Variants in PTPRD observed in about 807,000 individuals in gnomAD.
PTPRD encodes protein tyrosine phosphatase receptor type D, also known as receptor-type tyrosine-protein phosphatase delta.
A neutral mutation model predicts 214.5 loss-of-function variants in PTPRD; 34 were observed. The ratio of observed to expected loss-of-function variants is 0.16; its 90% CI spans 0.12 to 0.21. PTPRD has a LOEUF of 0.21. PTPRD is among the 10% of genes least tolerant of loss of function. The pLI is 1.00. For synonymous variants in PTPRD, 1,128 were observed against 845.7 expected, an observed-to-expected ratio of 1.33 and a Z score of -5.79; for missense variants, 2,545 against 2,398.7, an observed-to-expected ratio of 1.06 and a Z score of -1.27.
chr9:9,703,138 T>A (rs564621990), intron 7 of PTPRD, among the ~76,000 whole-genome samples: 2 of 152,260 alleles, frequency 1.3e-5, no homozygotes, highest in South Asian at 4.1e-4. Context: ...TGACTTCTCA[T>A]GAAATCTGAT....
intron 2 of PTPRD, among the ~76,000 whole-genome samples, chr9:10,510,764 T>C (rs934997798): frequency 1.3e-5 from 2 of 152,162 alleles, no homozygotes; most frequent in African/African-American, 4.8e-5. Flanking sequence ...AAATTATTGT[T>C]AACTATAGTT....
chr9:10,535,435 G>C (rs2057525245), intron 2 of PTPRD, among the ~76,000 whole-genome samples: 1 of 152,044 alleles, frequency 6.6e-6, no homozygotes, highest in Admixed American at 6.6e-5. Flanking sequence ...GTCGTGAGCT[G>C]TTTCAACAAT....
Position 9,133,892 on chromosome 9 carries a change from G to A in PTPRD, c.-143+49412C>T, listed in dbSNP as rs77210131. On this transcript the variant is annotated intron_variant, in intron 10 of 45. Coordinates refer to ENST00000381196, the MANE Select transcript of PTPRD (RefSeq NM_002839.4). ...TACCCAGACCACAACAGCACTGAAA[G>A]GGAACTGGGTAAGACTCTATACAGC... Among the ~76,000 whole-genome samples, 987 of 152,112 alleles carry A rather than the reference G, an allele frequency of 6.5e-3. 12 individuals carry two copies. Among genetic ancestry groups the A allele is most frequent in the African/African-American group, 0.023 (935 of 41,476 alleles).
intron 4 of PTPRD, among the ~76,000 whole-genome samples, chr9:9,975,988 C>G: frequency 6.6e-6 from 1 of 152,166 alleles, no homozygotes; most frequent in East Asian, 1.9e-4. Flanking sequence ...CCCTTCAGGT[C>G]ATTATCAGCT....
At chr9:10,556,640 C>T (rs2131344795) in intron 2 of PTPRD, among the ~76,000 whole-genome samples, 1 of 152,022 alleles carries the variant, frequency 6.6e-6, no homozygotes, top group African/African-American at 2.4e-5. Flanking sequence ...TGAAATCGCA[C>T]CAATAAGTAT....
chr9:9,914,462 T>C (rs1033932893), intron 5 of PTPRD, among the ~76,000 whole-genome samples: 49 of 152,210 alleles, frequency 3.2e-4, no homozygotes, highest in Admixed American at 5.2e-4. Flanking sequence ...GAAATAACCC[T>C]GTGCCTGCAC....
At chr9:10,478,777 A>C (rs1347405525) in intron 2 of PTPRD, among the ~76,000 whole-genome samples, 1 of 151,582 alleles carries the variant, frequency 6.6e-6, no homozygotes, top group Admixed American at 6.6e-5. Flanking sequence ...AGTTGAGGAA[A>C]ATTTCAGAAA....
intron 3 of PTPRD, among the ~76,000 whole-genome samples, chr9:10,314,614 T>G (rs1196589199): frequency 1.3e-5 from 2 of 151,892 alleles, no homozygotes; most frequent in Non-Finnish European, 1.5e-5. Context: ...GATAGTAGTT[T>G]TCATTGTGTC....
At chr9:9,426,658 G>A (rs932058948) in intron 8 of PTPRD, among the ~76,000 whole-genome samples, 1 of 152,172 alleles carries the variant, frequency 6.6e-6, no homozygotes. Flanking sequence ...GCACCTCCCA[G>A]TAGGGGCCGA....
intron 9 of PTPRD, among the ~76,000 whole-genome samples, chr9:9,314,247 T>C (rs761346676): frequency 6.6e-5 from 10 of 152,158 alleles, no homozygotes; most frequent in Non-Finnish European, 1.5e-4. Context: ...TAAATGGCTG[T>C]AGGATAGTAA....
intron 2 of PTPRD, among the ~76,000 whole-genome samples, chr9:10,387,909 C>A (rs1405590944): frequency 2.1e-5 from 3 of 140,762 alleles, no homozygotes; most frequent in Non-Finnish European, 3.0e-5. Flanking sequence ...ACTCTGCCTG[C>A]CTCGGCCTCC....
intron 2 of PTPRD, among the ~76,000 whole-genome samples, chr9:10,350,434 CTTA>C (rs966383733): frequency 1.3e-5 from 2 of 151,844 alleles, no homozygotes; most frequent in Admixed American, 6.6e-5. Context: ...TTTCATTTTA[CTTA>C]TTATTAATAG....
intron 5 of PTPRD, among the ~76,000 whole-genome samples, chr9:9,918,798 T>C (rs2081706117): frequency 6.6e-6 from 1 of 152,084 alleles, no homozygotes; most frequent in Non-Finnish European, 1.5e-5. Context: ...ATATTCACTG[T>C]TGAAAAGGTA....
At chr9:8,931,999 A>C (rs1264020295) in intron 11 of PTPRD, among the ~76,000 whole-genome samples, 1 of 152,128 alleles carries the variant, frequency 6.6e-6, no homozygotes, top group Non-Finnish European at 1.5e-5. Context: ...CTTTGGGATC[A>C]GTGGTGATAT....
chr9:9,298,170 G>A (rs1408287409), intron 9 of PTPRD, among the ~76,000 whole-genome samples: 3 of 151,580 alleles, frequency 2.0e-5, no homozygotes, highest in African/African-American at 7.3e-5. Flanking sequence ...TTAGGCAGTT[G>A]ATAAATTTAG....
chr9:8,447,332 G>C (rs970856332), intron 34 of PTPRD, among the ~76,000 whole-genome samples: 8 of 151,958 alleles, frequency 5.3e-5, no homozygotes, highest in Non-Finnish European at 1.2e-4. Context: ...TTTATACTCA[G>C]GTCCCCATTT....
intron 5 of PTPRD, among the ~76,000 whole-genome samples, chr9:9,919,084 A>T (rs2081802699): frequency 6.6e-6 from 1 of 152,158 alleles, no homozygotes; most frequent in South Asian, 2.1e-4. Context: ...AAATAGCTTT[A>T]AAAAAGTTAA....
At chr9:8,529,713 C>G (rs2075178661) in intron 14 of PTPRD, among the ~76,000 whole-genome samples, 1 of 152,128 alleles carries the variant, frequency 6.6e-6, no homozygotes, top group African/African-American at 2.4e-5. Context: ...AAGGTGTGTT[C>G]TATCTAAGCA....
At chr9:10,386,060 T>C (rs1248618414) in intron 2 of PTPRD, among the ~76,000 whole-genome samples, 1 of 151,890 alleles carries the variant, frequency 6.6e-6, no homozygotes, top group African/African-American at 2.4e-5. Context: ...TTTTTCGAAC[T>C]GTTTTTAAAA....
Sources: gnomAD v4.1 joint callset for allele counts (sites outside exome capture counted in the v4.1 genomes callset) on GRCh38, gnomAD v4.1.1 for gene constraint, MANE v1.5 for transcripts, NCBI Gene and HGNC (gene_info 2026-07-23, HGNC 2026-07-21) for gene names.